IGSF3: variants seen among roughly 807,000 people sequenced by gnomAD.
IGSF3 encodes the protein glu-Trp-Ile EWI motif-containing protein 3.
In IGSF3, 23 loss-of-function variants were observed where a neutral mutation model predicts 114.4. The ratio of observed to expected loss-of-function variants is 0.20; its 90% confidence interval spans 0.14 to 0.28. The LOEUF (loss-of-function observed/expected upper bound fraction) is 0.28. IGSF3 is among the 10% of genes least tolerant of loss of function. The probability of loss-of-function intolerance (pLI) is 1.00; values close to 1 mark genes in which losing one functional copy is unlikely to be tolerated. For synonymous variants in IGSF3, 571 were observed against 645.2 expected (o/e 0.88, Z 1.74); for missense variants, 1,172 against 1,591.5 (o/e 0.74, Z 4.48).
chr1:116,584,608 C>T lies in IGSF3; in HGVS notation c.2848+37G>A, dbSNP rs767101812. 1.1e-5 allele frequency: 18 copies of T among 1,606,626 alleles called. No individual in the cohort carries two copies. The highest frequency in any genetic ancestry group is 1.1e-5 in the South Asian group (1 of 90,880). On this transcript the variant is annotated intron_variant, in intron 9 of 10. Transcript: ENST00000369486. The surrounding 1 kb of genome is among the most constrained non-coding windows in gnomAD (Gnocchi z 5.8). Reference sequence around the variant, plus strand: ...AAACAGTATACTTAAATGGGAAACACCAGAGGGAGTGGAAGCTTGGGGACG... The same window carrying T: ...AAACAGTATACTTAAATGGGAAACATCAGAGGGAGTGGAAGCTTGGGGACG...
rs370685408 is a variant in IGSF3, at chr1:116,609,121, CTGAG to C, written c.833-794_833-791del. Among the ~76,000 whole-genome samples, 205 of 152,000 alleles carry C rather than the reference CTGAG, an allele frequency of 1.3e-3. 4 individuals carry two copies. The South Asian group carries it at 0.03, about 22-fold the overall frequency. ...TTAAACCTTAGTAGGTACTTTCCCA[CTGAG>C]TAAGTACTTAGTAGGTACTTTAGTA... On this transcript the variant is annotated intron_variant, in intron 4 of 10. Transcript: ENST00000369486.
intron 2 of IGSF3, among the ~76,000 whole-genome samples, chr1:116,635,981 C>A (rs1647810508): frequency 6.6e-6 from 1 of 152,202 alleles, no homozygotes; most frequent in Admixed American, 6.5e-5. Flanking sequence ...GCATTTCAGA[C>A]AGTAGGTGCC....
Position 116,585,167 on chromosome 1 carries a change from A to G in IGSF3, c.2441-115T>C. The G allele has an allele frequency of 1.4e-6, 1 of 723,350 alleles. No homozygotes were observed. The highest frequency in any genetic ancestry group is 2.9e-5 in the Admixed American group (1 of 34,824). The allele number at this position is 723,350 out of a possible 1,614,324, so 44.8% of individuals were successfully genotyped here. A position where few individuals can be genotyped will look rare whatever the true frequency, so the allele number is the denominator to read the frequency against. ...CAAATACAGAAGGACGGCAGCACAC[A>G]CTCCATTAGGAGAAACGTTTCTCAG... On this transcript the variant is annotated intron_variant, in intron 8 of 10. Coordinates refer to ENST00000369486, the MANE Select transcript of IGSF3 (RefSeq NM_001007237.3). This position sits in a 1 kb window ranked among gnomAD's most constrained non-coding sequence, Gnocchi z 4.9.
chr1:116,599,966 C>A lies in IGSF3; in HGVS notation c.2004G>T (p.Leu668=), dbSNP rs553512242. 1.9e-6 allele frequency: 3 copies of A among 1,612,804 alleles called. No individual in the cohort carries two copies. The highest frequency in any genetic ancestry group is 1.1e-5 in the South Asian group (1 of 91,042). The change falls in exon 7 of 11, where the codon CTG becomes CTT. Residue 668 remains leucine, a synonymous_variant. Coordinates refer to ENST00000369486, the MANE Select transcript of IGSF3 (RefSeq NM_001007237.3). ...WTRLAERTSN[L]LEIRVLQPVT... ...CTGGCTGCAGCACCCTGATCTCCAG[C>A]AGGTTGGAGGTCCTCTCCGCCAGTC... is the stretch of plus-strand genomic sequence containing the variant.
chr1:116,651,649 T>C lies in IGSF3; in HGVS notation c.43+14635A>G, dbSNP rs1246690520. Among the ~76,000 whole-genome samples the C allele has an allele frequency of 2.6e-5, 4 of 152,222 alleles. No individual in the cohort carries two copies. Among genetic ancestry groups the C allele is most frequent in the African/African-American group, 7.2e-5 (3 of 41,456 alleles). ...AACTATTAGGTTGAACTATGTGACA[T>C]TATTGACATTCGACTGCTTCTGACC... On this transcript the variant is annotated intron_variant, in intron 2 of 10. Transcript: ENST00000369486. The surrounding 1 kb of genome is among the most constrained non-coding windows in gnomAD (Gnocchi z 4.4).
chr1:116,663,094 C>T (rs1649180401), intron 2 of IGSF3, among the ~76,000 whole-genome samples: 1 of 152,214 alleles, frequency 6.6e-6, no homozygotes, highest in East Asian at 1.9e-4. Context: ...TTTTTCATTG[C>T]TAACACTTTT....
In IGSF3 at chr1:116,642,196, G is replaced by C. The variant is rs1648138205; in HGVS notation, c.43+24088C>G. Among the ~76,000 whole-genome samples the C allele has an allele frequency of 6.6e-6, 1 of 151,894 alleles. No homozygotes were observed. Among genetic ancestry groups the C allele is most frequent in the South Asian group, 2.1e-4 (1 of 4,812 alleles). ...TTTTTTTCCCACACACCTCGCATCT[G>C]ATTTTTGATTTTTAACATGTGCATG... On this transcript the variant is annotated intron_variant, in intron 2 of 10. Transcript: ENST00000369486. The surrounding 1 kb of genome is among the most constrained non-coding windows in gnomAD (Gnocchi z 5.4).
rs1278507915 is a variant in IGSF3 at position 116,584,658 on chromosome 1, T to C, written c.2835A>G (p.Thr945=). ...AEDTAGQTAL[T]VMRPDASLQV... is the part of the protein sequence containing the mutation. ...GTGGACCCTCACCTGGTCGCATGACTGTCAGAGCTGTCTGCCCAGCGGTGT... is the reference window on the plus strand; with the variant it reads ...GTGGACCCTCACCTGGTCGCATGACCGTCAGAGCTGTCTGCCCAGCGGTGT... The change falls in exon 9 of 11, where the codon ACA becomes ACG. Residue 945 remains threonine, a synonymous_variant. Coordinates refer to ENST00000369486, the MANE Select transcript of IGSF3 (RefSeq NM_001007237.3). The surrounding 1 kb of genome is among the most constrained non-coding windows in gnomAD (Gnocchi z 5.8). 3 of 1,614,208 alleles carry C rather than the reference T, an allele frequency of 1.9e-6. No individual in the cohort carries two copies. Among genetic ancestry groups the C allele is most frequent in the Non-Finnish European group, 2.5e-6 (3 of 1,180,024 alleles).
At position 116,665,633 on chromosome 1, in the gene IGSF3, T is replaced by C. The variant is rs1216274215; in HGVS notation, c.43+651A>G. ...CTTCTTCCCACTCTAGGCATTCTGA[T>C]TTGTGGGAGCACAAAAGCCAATCCT... On this transcript the variant is annotated intron_variant, in intron 2 of 10. Transcript: ENST00000369486. The surrounding 1 kb of genome is among the most constrained non-coding windows in gnomAD (Gnocchi z 4.0). Among the ~76,000 whole-genome samples the C allele has an allele frequency of 2.0e-5, 3 of 152,178 alleles. No individual in the cohort carries two copies. The highest frequency in any genetic ancestry group is 7.2e-5 in the African/African-American group (3 of 41,432).
Position 116,666,457 on chromosome 1 carries a change from A to G in IGSF3, c.-131T>C, listed in dbSNP as rs1649338100. Reference sequence around the variant, plus strand: ...ATAGAACTTAACTCGGAAAATGGGAACAGATTAAAAAGAAGAGATCAGAAG... The same window carrying G: ...ATAGAACTTAACTCGGAAAATGGGAGCAGATTAAAAAGAAGAGATCAGAAG... On this transcript the variant is annotated 5_prime_UTR_variant, in exon 2 of 11. Transcript: ENST00000369486. The G allele has an allele frequency of 4.7e-6, 4 of 845,626 alleles. No homozygotes were observed. The highest frequency in any genetic ancestry group is 8.0e-6 in the Non-Finnish European group (4 of 502,482). 52.4% of individuals were successfully genotyped at this position (845,626 alleles called of 1,614,324 possible).
In IGSF3 at chr1:116,642,389, C is replaced by T. The variant is rs1261332986; in HGVS notation, c.43+23895G>A. ...ATGAATAACATTAGAATTCTGGATG[C>T]CTTCCAGCAGCTGGAACAGGGCAGA... On this transcript the variant is annotated intron_variant, in intron 2 of 10. Transcript: ENST00000369486. This position sits in a 1 kb window ranked among gnomAD's most constrained non-coding sequence, Gnocchi z 5.4. 1.3e-5 allele frequency among the ~76,000 whole-genome samples: 2 copies of T among 152,104 alleles called. No homozygotes were observed. Among genetic ancestry groups the T allele is most frequent in the Non-Finnish European group, 2.9e-5 (2 of 68,022 alleles).
intron 6 of IGSF3, among the ~76,000 whole-genome samples, chr1:116,601,462 A>T (rs6691676): frequency 0.034 from 5,141 of 152,268 alleles, 262 homozygotes; most frequent in African/African-American, 0.11. Context: ...AATCTGTAAA[A>T]TGAGTCTCTG....
rs1292190723 is a variant in IGSF3, at chr1:116,627,635, C to T, written c.44-11178G>A. ...GCAGGCAGCGTCAGGATGTCAGCTA[C>T]CAGGCAGCAGAGGGATGCGGGGCGC... On this transcript the variant is annotated intron_variant, in intron 2 of 10. Coordinates refer to ENST00000369486, the MANE Select transcript of IGSF3 (RefSeq NM_001007237.3). The surrounding 1 kb of genome is among the most constrained non-coding windows in gnomAD (Gnocchi z 4.7). Among the ~76,000 whole-genome samples, 2 of 152,234 alleles carry T rather than the reference C, an allele frequency of 1.3e-5. No individual in the cohort carries two copies. Among genetic ancestry groups the T allele is most frequent in the African/African-American group, 2.4e-5 (1 of 41,450 alleles).
At position 116,661,980 on chromosome 1, in the gene IGSF3, T is replaced by C. The variant is rs1232727335; in HGVS notation, c.43+4304A>G. On this transcript the variant is annotated intron_variant, in intron 2 of 10. Coordinates refer to ENST00000369486, the MANE Select transcript of IGSF3 (RefSeq NM_001007237.3). This position sits in a 1 kb window ranked among gnomAD's most constrained non-coding sequence, Gnocchi z 4.0. ...CGGCTAGAAGAGTCATCTTGGACCATGAAGTCATCTTGGGAATAGAGAGCA... is the reference window on the plus strand; with the variant it reads ...CGGCTAGAAGAGTCATCTTGGACCACGAAGTCATCTTGGGAATAGAGAGCA... Among the ~76,000 whole-genome samples, 1 of 152,152 alleles carries C rather than the reference T, an allele frequency of 6.6e-6. No individual in the cohort carries two copies. The highest frequency in any genetic ancestry group is 2.4e-5 in the African/African-American group (1 of 41,428).
In IGSF3 at chr1:116,610,331, T is replaced by C. The variant is rs1660968071; in HGVS notation, c.833-2000A>G. Among the ~76,000 whole-genome samples the C allele has an allele frequency of 1.3e-5, 2 of 152,212 alleles. No individual in the cohort carries two copies. The highest frequency in any genetic ancestry group is 4.8e-5 in the African/African-American group (2 of 41,450). On this transcript the variant is annotated intron_variant, in intron 4 of 10. Coordinates refer to ENST00000369486, the MANE Select transcript of IGSF3 (RefSeq NM_001007237.3). This position sits in a 1 kb window ranked among gnomAD's most constrained non-coding sequence, Gnocchi z 4.3. ...TAGCCTGGCTGTAACTCTGGCTTTCTTCTTTCGGCGGCCAAAGACTCTTCT... is the reference window on the plus strand; with the variant it reads ...TAGCCTGGCTGTAACTCTGGCTTTCCTCTTTCGGCGGCCAAAGACTCTTCT...
rs759919724 is a variant in IGSF3 at position 116,654,201 on chromosome 1, T to C, written c.43+12083A>G. Among the ~76,000 whole-genome samples, 1 of 152,120 alleles carries C rather than the reference T, an allele frequency of 6.6e-6. No homozygotes were observed. The highest frequency in any genetic ancestry group is 2.4e-5 in the African/African-American group (1 of 41,416). ...AAGCTGAAGAGGAAAACCAGAAAGG[T>C]CTCTGAGAAGTGCTGCTTGTAGGGA... On this transcript the variant is annotated intron_variant, in intron 2 of 10. Transcript: ENST00000369486. The surrounding 1 kb of genome is among the most constrained non-coding windows in gnomAD (Gnocchi z 4.4).
chr1:116,594,511 T>C lies in IGSF3; in HGVS notation c.2030-5407A>G, dbSNP rs921320779. On this transcript the variant is annotated intron_variant, in intron 7 of 10. Transcript: ENST00000369486. The surrounding 1 kb of genome is among the most constrained non-coding windows in gnomAD (Gnocchi z 5.2). Reference sequence around the variant, plus strand: ...ATCTGGTCCTATGTGCTCAGCACTATTCTAAGCACTTTATAAATATTAACT... The same window carrying C: ...ATCTGGTCCTATGTGCTCAGCACTACTCTAAGCACTTTATAAATATTAACT... Among the ~76,000 whole-genome samples, 1 of 152,218 alleles carries C rather than the reference T, an allele frequency of 6.6e-6. No individual in the cohort carries two copies. Among genetic ancestry groups the C allele is most frequent in the African/African-American group, 2.4e-5 (1 of 41,450 alleles).
chr1:116,580,613 C>T (rs932247326), intron 9 of IGSF3, among the ~76,000 whole-genome samples: 3 of 152,260 alleles, frequency 2.0e-5, no homozygotes, highest in East Asian at 3.8e-4. Flanking sequence ...GCGCCGTCTG[C>T]GGGCCAGAAG....
In IGSF3 at chr1:116,648,490, T is replaced by G. The variant is rs1055868756; in HGVS notation, c.43+17794A>C. ...ACCCGCCATCTGCACTTTTACCTGCTGCCTGACGAAAACCAGATGCCAAAG... is the reference window on the plus strand; with the variant it reads ...ACCCGCCATCTGCACTTTTACCTGCGGCCTGACGAAAACCAGATGCCAAAG... On this transcript the variant is annotated intron_variant, in intron 2 of 10. Coordinates refer to ENST00000369486, the MANE Select transcript of IGSF3 (RefSeq NM_001007237.3). This position sits in a 1 kb window ranked among gnomAD's most constrained non-coding sequence, Gnocchi z 4.7. Among the ~76,000 whole-genome samples the G allele has an allele frequency of 1.3e-5, 2 of 152,188 alleles. No individual in the cohort carries two copies. Among genetic ancestry groups the G allele is most frequent in the Admixed American group, 6.5e-5 (1 of 15,276 alleles).
Sources: allele counts gnomAD v4.1 joint callset (sites outside exome capture counted in the v4.1 genomes callset), GRCh38; gene constraint gnomAD v4.1.1; non-coding constraint Gnocchi (gnomAD v3.1); transcripts MANE v1.5; gene names NCBI Gene and HGNC (gene_info 2026-07-23, HGNC 2026-07-21).